Variants in PTPRK observed in about 807,000 individuals in gnomAD.
PTPRK encodes the protein receptor-type tyrosine-protein phosphatase kappa.
PTPRK carries 75 observed loss-of-function variants against 178.0 expected under a neutral mutation model. The ratio of observed to expected loss-of-function variants is 0.42; its 90% confidence interval spans 0.35 to 0.51. The LOEUF is 0.51. Ranked by LOEUF, PTPRK falls within the 20% of genes least tolerant of loss-of-function variation. The pLI is 0.02. For synonymous variants in PTPRK, 637 were observed against 620.6 expected, an observed-to-expected ratio of 1.03 and a Z score of -0.39; for missense variants, 1,441 against 1,797.8, an observed-to-expected ratio of 0.80 and a Z score of 3.59.
intron 2 of PTPRK, among the ~76,000 whole-genome samples, chr6:128,363,884 T>C (rs1017503005): frequency 6.6e-6 from 1 of 152,190 alleles, no homozygotes; most frequent in Non-Finnish European, 1.5e-5. Context: ...TACTTGTTGC[T>C]TTTGACAGAA....
intron 1 of PTPRK, among the ~76,000 whole-genome samples, chr6:128,438,987 A>T (rs1314826265): frequency 2.0e-5 from 3 of 152,198 alleles, no homozygotes; most frequent in Admixed American, 2.0e-4. Context: ...AGAACTCCAA[A>T]CTTAACGTTC....
chr6:128,354,935 T>C (rs1211702893), intron 2 of PTPRK, among the ~76,000 whole-genome samples: 3 of 152,232 alleles, frequency 2.0e-5, no homozygotes, highest in African/African-American at 7.2e-5. Context: ...ATGCAAATTA[T>C]AGCATGTTCT....
At chr6:128,435,361 A>C (rs1397340817) in intron 1 of PTPRK, among the ~76,000 whole-genome samples, 2 of 152,202 alleles carry the variant, frequency 1.3e-5, no homozygotes, top group African/African-American at 4.8e-5. Context: ...AAGTCAAATG[A>C]ATGTGTAATT....
At chr6:128,199,083 G>A (rs1805437962) in intron 6 of PTPRK, among the ~76,000 whole-genome samples, 1 of 152,114 alleles carries the variant, frequency 6.6e-6, no homozygotes, top group South Asian at 2.1e-4. Context: ...CTGAAAATCA[G>A]CATACCCTAT....
chr6:128,023,274 T>A (rs751487097), intron 13 of PTPRK, among the ~76,000 whole-genome samples: 14 of 152,218 alleles, frequency 9.2e-5, no homozygotes, highest in Non-Finnish European at 1.2e-4. Context: ...AATTAGAAAC[T>A]TCAAGCTGAA....
At chr6:128,369,885 C>T (rs1836026171) in intron 2 of PTPRK, among the ~76,000 whole-genome samples, 1 of 151,978 alleles carries the variant, frequency 6.6e-6, no homozygotes, top group Non-Finnish European at 1.5e-5. Flanking sequence ...AAGTTCCTTT[C>T]TTCTAAAGCA....
intron 11 of PTPRK, among the ~76,000 whole-genome samples, chr6:128,069,459 T>G (rs1186955788): frequency 6.6e-6 from 1 of 152,160 alleles, no homozygotes; most frequent in African/African-American, 2.4e-5. Context: ...AGAAAATACA[T>G]ACGCATAGCC....
intron 1 of PTPRK, among the ~76,000 whole-genome samples, chr6:128,514,810 C>A (rs1279169766): frequency 1.3e-5 from 2 of 151,958 alleles, no homozygotes; most frequent in Non-Finnish European, 2.9e-5. Context: ...CAGTGTTTTC[C>A]CAGAACCTCA....
intron 2 of PTPRK, among the ~76,000 whole-genome samples, chr6:128,353,726 G>T (rs911938404): frequency 3.9e-5 from 6 of 152,186 alleles, no homozygotes; most frequent in African/African-American, 7.2e-5. Context: ...ACAAGGGGAG[G>T]GGGCTGTGTC....
chr6:128,121,942 T>C (rs1051077896), intron 7 of PTPRK, among the ~76,000 whole-genome samples: 6 of 152,132 alleles, frequency 3.9e-5, no homozygotes, highest in African/African-American at 1.4e-4. Flanking sequence ...TCGTTAACCA[T>C]GTTTCTCTAG....
intron 1 of PTPRK, among the ~76,000 whole-genome samples, chr6:128,458,035 A>G (rs1848600574): frequency 6.6e-6 from 1 of 152,172 alleles, no homozygotes; most frequent in Non-Finnish European, 1.5e-5. Flanking sequence ...CAAATAGTAG[A>G]GAAGGCAAGA....
intron 2 of PTPRK, among the ~76,000 whole-genome samples, chr6:128,382,151 C>CAAAA (rs56321095): frequency 1.1e-4 from 8 of 75,624 alleles, no homozygotes; most frequent in African/African-American, 3.6e-4. Flanking sequence ...TACCCTATCT[C>CAAAA]AAAAAAAAAA....
intron 11 of PTPRK, among the ~76,000 whole-genome samples, chr6:128,075,101 T>C (rs1168869836): frequency 6.6e-6 from 1 of 151,994 alleles, no homozygotes; most frequent in Non-Finnish European, 1.5e-5. Context: ...CAAACTCCCT[T>C]CCCATGAAGC....
rs748748710 is a variant in PTPRK, at chr6:128,064,746, C to T, written c.2194+12G>A. Reference sequence around the variant, plus strand: ...GAGTAGTTAAAACAAGCAAAAAAAGCAAACCTCTTACCTTTTGTAGCAATG... The same window carrying T: ...GAGTAGTTAAAACAAGCAAAAAAAGTAAACCTCTTACCTTTTGTAGCAATG... On this transcript the variant is annotated intron_variant, in intron 13 of 29. Coordinates refer to ENST00000368226, the MANE Select transcript of PTPRK (RefSeq NM_002844.4). The T allele has an allele frequency of 1.9e-6, 3 of 1,580,668 alleles. No individual in the cohort carries two copies. In the Admixed American group the frequency reaches 5.9e-5, roughly 31 times the overall value.
intron 3 of PTPRK, among the ~76,000 whole-genome samples, chr6:128,275,434 T>C (rs934748006): frequency 3.9e-5 from 6 of 152,144 alleles, no homozygotes; most frequent in Admixed American, 6.5e-5. Flanking sequence ...TAATGTTACA[T>C]GGGAAGAGTA....
At chr6:128,130,029 T>C (rs1562638147) in intron 7 of PTPRK, among the ~76,000 whole-genome samples, 1 of 152,140 alleles carries the variant, frequency 6.6e-6, no homozygotes, top group Non-Finnish European at 1.5e-5. Context: ...TTGTATTGCT[T>C]GGCAAAAAGA....
At chr6:128,390,678 A>G (rs1195464437) in intron 2 of PTPRK, among the ~76,000 whole-genome samples, 2 of 152,124 alleles carry the variant, frequency 1.3e-5, no homozygotes, top group Non-Finnish European at 2.9e-5. Context: ...TTAAGTTCCA[A>G]TTCTGTCCCT....
chr6:128,174,967 G>C (rs912535996), intron 7 of PTPRK, among the ~76,000 whole-genome samples: 1 of 151,850 alleles, frequency 6.6e-6, no homozygotes, highest in African/African-American at 2.4e-5. Context: ...TTGCATTTAT[G>C]AGTTTACACT....
intron 7 of PTPRK, among the ~76,000 whole-genome samples, chr6:128,157,965 C>G (rs1583264558): frequency 6.6e-6 from 1 of 152,090 alleles, no homozygotes; most frequent in East Asian, 1.9e-4. Flanking sequence ...TCAATTTTGG[C>G]TTTTGTTGCC....
Sources: gnomAD v4.1 joint callset for allele counts (sites outside exome capture counted in the v4.1 genomes callset) on GRCh38, gnomAD v4.1.1 for gene constraint, MANE v1.5 for transcripts, NCBI Gene and HGNC (gene_info 2026-07-23, HGNC 2026-07-21) for gene names.